The following TMEM67 variants were observed in gnomAD, a reference collection of about 807,000 sequenced individuals.
The protein encoded by TMEM67 is transmembrane protein 67.
TMEM67 carries 124 observed loss-of-function variants against 136.6 expected under a neutral mutation model. The ratio of observed to expected loss-of-function variants is 0.91; its 90% confidence interval spans 0.78 to 1.05. The LOEUF is 1.05. Ranked by LOEUF, TMEM67 falls within the 50% of genes least tolerant of loss-of-function variation. The pLI is 0.00. For synonymous variants in TMEM67, 364 were observed against 390.5 expected (o/e 0.93, Z 0.80); for missense variants, 1,107 against 1,178.4 (o/e 0.94, Z 0.89).
At chr8:93,811,450 TAAAG>T (rs1363521505) in intron 26 of TMEM67, 5 of 152,166 alleles carry the variant, frequency 3.3e-5, no homozygotes, top group South Asian at 2.1e-4. Flanking sequence ...ACTTGAAAGA[TAAAG>T]AAGGCAGAGA....
intron 13 of TMEM67, among the ~76,000 whole-genome samples, chr8:93,787,106 A>G (rs937693413): frequency 6.6e-6 from 1 of 152,196 alleles, no homozygotes; most frequent in Non-Finnish European, 1.5e-5. Context: ...GCACCTAGTC[A>G]GACTTGATGT....
In TMEM67 at chr8:93,803,597, G is replaced by A. The variant is rs761170798; in HGVS notation, c.2242-7G>A. The stretch of plus-strand genomic sequence containing the variant: ...CTAATAAGCATAAACTTGACTTAAT[G>A]TTTCAGGTCGTGTTCTTTGCTGTCT... On this transcript the variant is annotated splice_region_variant and splice_polypyrimidine_tract_variant and intron_variant, in intron 21 of 27. Transcript: ENST00000453321. 1 of 1,568,926 alleles carries A rather than the reference G, an allele frequency of 6.4e-7. No homozygotes were observed. The highest frequency in any genetic ancestry group is 8.8e-7 in the Non-Finnish European group (1 of 1,139,232).
chr8:93,777,161 G>T (rs1813584533), intron 7 of TMEM67, among the ~76,000 whole-genome samples: 1 of 152,178 alleles, frequency 6.6e-6, no homozygotes, highest in African/African-American at 2.4e-5. Flanking sequence ...AGTATTCTCT[G>T]ATAGTAGTTT....
At chr8:93,828,893 A>G in the TMEM67 span, among the ~76,000 whole-genome samples, 22 of 152,282 alleles carry the variant, frequency 1.4e-4, no homozygotes, top group Middle Eastern at 3.4e-3. Flanking sequence ...TTATTATAAC[A>G]TATTTCATGT....
intron 3 of TMEM67, chr8:93,759,366 G>A (rs1239056759): frequency 1.3e-5 from 2 of 151,284 alleles, no homozygotes; most frequent in Admixed American, 6.6e-5. Flanking sequence ...GAGAGGCAAA[G>A]GTGGGAAGAT....
In TMEM67 at chr8:93,797,455, C is replaced by A. The variant is rs750783787; in HGVS notation, c.2085C>A (p.Val695=). Residue 695 remains valine (V), a synonymous_variant, in exon 20 of 28, where the codon GTC becomes GTA. Coordinates refer to ENST00000453321, the MANE Select transcript of TMEM67 (RefSeq NM_153704.6). ...ATTCACTCTTTCAAGTACTTACTGT[C>A]CTCTTCTTTTTGGAGGTATAAACTG... ...KINSLFQVLT[V]LFFLEVVGFK... 6.2e-7 allele frequency: 1 copy of A among 1,613,690 alleles called. No homozygotes were observed. Among genetic ancestry groups the A allele is most frequent in the Admixed American group, 1.7e-5 (1 of 60,016 alleles).
intron 12 of TMEM67, among the ~76,000 whole-genome samples, 162 bp downstream of exon 12, chr8:93,785,540 G>A (rs1444945280): frequency 6.6e-6 from 1 of 152,086 alleles, no homozygotes; most frequent in East Asian, 1.9e-4. Context: ...AATTGCTGGT[G>A]GACTTAGAAA....
chr8:93,759,933 C>T, intron 3 of TMEM67: 1 of 1,533,170 alleles, frequency 6.5e-7, no homozygotes, highest in Non-Finnish European at 8.8e-7. Context: ...CAGGCTTGAG[C>T]CACCGCACCT....
rs200665053 is a variant in TMEM67, at chr8:93,759,951, G to T, written c.406+1375G>T. ...GCTTGAGCCACCGCACCTGACCTTGGCATGTACTTTAGAAGGAATGTACAA... is the reference window on the plus strand; with the variant it reads ...GCTTGAGCCACCGCACCTGACCTTGTCATGTACTTTAGAAGGAATGTACAA... On this transcript the variant is annotated intron_variant, in intron 3 of 27. Coordinates refer to ENST00000453321, the MANE Select transcript of TMEM67 (RefSeq NM_153704.6). 4.2e-4 allele frequency: 644 copies of T among 1,536,290 alleles called. 4 individuals carry two copies. Among genetic ancestry groups the T allele is most frequent in the Non-Finnish European group, 8.1e-5 (92 of 1,138,404 alleles).
At chr8:93,778,618 T>C (rs553601855) in intron 7 of TMEM67, among the ~76,000 whole-genome samples, 1 of 152,198 alleles carries the variant, frequency 6.6e-6, no homozygotes, top group Non-Finnish European at 1.5e-5. Context: ...TTATGAAGCT[T>C]AGTTTGGCTG....
intron 15 of TMEM67, among the ~76,000 whole-genome samples, chr8:93,791,685 T>G (rs1814381576): frequency 6.6e-6 from 1 of 152,216 alleles, no homozygotes; most frequent in African/African-American, 2.4e-5. Flanking sequence ...GTCCATTATT[T>G]TGGCCCTCAA....
chr8:93,782,505 A>C, intron 11 of TMEM67, 45 bp downstream of exon 11: 1 of 1,465,496 alleles, frequency 6.8e-7, no homozygotes, highest in South Asian at 1.1e-5. Flanking sequence ...TTATTTTTCA[A>C]AATATCATGT....
At chr8:93,791,555 G>T (rs1814375823) in intron 15 of TMEM67, among the ~76,000 whole-genome samples, 1 of 152,018 alleles carries the variant, frequency 6.6e-6, no homozygotes, top group Admixed American at 6.6e-5. Context: ...TCTGTTTCAG[G>T]ACCCAATCTA....
At chr8:93,789,514 G>A (rs1282179327) in intron 14 of TMEM67, among the ~76,000 whole-genome samples, 6 of 151,354 alleles carry the variant, frequency 4.0e-5, no homozygotes, top group Admixed American at 1.3e-4. Flanking sequence ...GCATGGTGGC[G>A]CTTGCCTGTA....
At chr8:93,827,239 T>G in the TMEM67 span, among the ~76,000 whole-genome samples, 1 of 152,248 alleles carries the variant, frequency 6.6e-6, no homozygotes, top group Non-Finnish European at 1.5e-5. Flanking sequence ...AAAATTGTTA[T>G]GACCTTGCCA....
intron 7 of TMEM67, among the ~76,000 whole-genome samples, chr8:93,776,611 A>T (rs1454128589): frequency 6.6e-6 from 1 of 152,140 alleles, no homozygotes; most frequent in Non-Finnish European, 1.5e-5. Flanking sequence ...TGAGGTAATT[A>T]TGTGGTTTTT....
At chr8:93,830,303 C>G in the TMEM67 span, among the ~76,000 whole-genome samples, 1 of 152,178 alleles carries the variant, frequency 6.6e-6, no homozygotes, top group South Asian at 2.1e-4. Flanking sequence ...ACACATCTCT[C>G]CATCTGTATC....
At chr8:93,781,785 T>C in intron 10 of TMEM67, 41 bp downstream of exon 10, 1 of 1,241,102 alleles carries the variant, frequency 8.1e-7, no homozygotes, top group Non-Finnish European at 1.2e-6. Flanking sequence ...ACATGCATTA[T>C]TTTTGCCTGA....
chr8:93,808,506 G>C (rs60900552), intron 23 of TMEM67, among the ~76,000 whole-genome samples: 29 of 14,810 alleles, frequency 2.0e-3, no homozygotes, highest in African/African-American at 3.0e-3. Context: ...TATTATAGAT[G>C]AATATATATA....
Sources: gnomAD v4.1 joint callset for allele counts (sites outside exome capture counted in the v4.1 genomes callset) on GRCh38, gnomAD v4.1.1 for gene constraint, MANE v1.5 for transcripts, NCBI Gene and HGNC (gene_info 2026-07-23, HGNC 2026-07-21) for gene names.